Variants in CYSLTR2 observed in about 807,000 individuals in gnomAD.
The protein encoded by CYSLTR2 is cysteinyl leukotriene receptor 2, also known as G-protein coupled receptor GPCR21.
For synonymous variants in CYSLTR2, 179 were observed against 160.8 expected (o/e 1.11, Z -0.86); for missense variants, 398 against 411.9 (o/e 0.97, Z 0.29).
chr13:48,671,212 T>C (rs1462255317), intron 1 of CYSLTR2, among the ~76,000 whole-genome samples: 2 of 152,230 alleles, frequency 1.3e-5, no homozygotes, highest in Admixed American at 6.5e-5. Flanking sequence ...TACAATCATG[T>C]CATCTGCGAA....
At chr13:48,706,342 T>C (rs1044255387) in intron 4 of CYSLTR2, among the ~76,000 whole-genome samples, 6 of 152,246 alleles carry the variant, frequency 3.9e-5, no homozygotes, top group Non-Finnish European at 7.3e-5. Flanking sequence ...GTCTTAGTTT[T>C]CCGTCTGAAA....
At chr13:48,696,287 T>G (rs1954184966) in intron 3 of CYSLTR2, among the ~76,000 whole-genome samples, 2 of 152,234 alleles carry the variant, frequency 1.3e-5, no homozygotes, top group African/African-American at 4.8e-5. Context: ...GTTCTTTATA[T>G]ATTCTAAATA....
chr13:48,657,452 G>A (rs1953025650), intron 1 of CYSLTR2, among the ~76,000 whole-genome samples: 1 of 151,806 alleles, frequency 6.6e-6, no homozygotes, highest in Non-Finnish European at 1.5e-5. Context: ...AAAAGTACAG[G>A]AAGCAGACTA....
At chr13:48,673,654 A>T (rs1305422984) in intron 1 of CYSLTR2, among the ~76,000 whole-genome samples, 9 of 151,874 alleles carry the variant, frequency 5.9e-5, no homozygotes, top group African/African-American at 2.2e-4. Context: ...TGTGAATTTG[A>T]TCCTGTTATT....
At chr13:48,683,832 G>A (rs906896454) in intron 1 of CYSLTR2, among the ~76,000 whole-genome samples, 63 of 152,226 alleles carry the variant, frequency 4.1e-4, no homozygotes, top group Non-Finnish European at 1.8e-4. Flanking sequence ...TTTTAACCCA[G>A]AATTCTGTTT....
At chr13:48,695,323 C>G (rs1283459009) in intron 3 of CYSLTR2, among the ~76,000 whole-genome samples, 1 of 130,466 alleles carries the variant, frequency 7.7e-6, no homozygotes, top group Non-Finnish European at 1.7e-5. Flanking sequence ...CTCTCTTTTT[C>G]TTTTCTTTCT....
At position 48,709,829 on chromosome 13, in the gene CYSLTR2, T is replaced by C. The variant is rs1954594472; in HGVS notation, c.*1971T>C. On this transcript the variant is annotated 3_prime_UTR_variant, in exon 5 of 5. Transcript: ENST00000682523. ...GAGAAAGTGAAGAGAATTCCCAGGATGTTGGTGTGTAGCAGGCTTAGAAAG... is the reference window on the plus strand; with the variant it reads ...GAGAAAGTGAAGAGAATTCCCAGGACGTTGGTGTGTAGCAGGCTTAGAAAG... 6.6e-6 allele frequency: 1 copy of C among 152,070 alleles called. No individual in the cohort carries two copies. Among genetic ancestry groups the C allele is most frequent in the South Asian group, 2.1e-4 (1 of 4,818 alleles). 9.4% of individuals were successfully genotyped at this position (152,070 alleles called of 1,614,324 possible).
At chr13:48,665,948 A>G (rs953963619) in intron 1 of CYSLTR2, among the ~76,000 whole-genome samples, 2 of 151,964 alleles carry the variant, frequency 1.3e-5, no homozygotes, top group Non-Finnish European at 2.9e-5. Flanking sequence ...TGTGGTGATA[A>G]GGCTTGATTC....
At chr13:48,692,627 C>A (rs1954066700) in intron 2 of CYSLTR2, among the ~76,000 whole-genome samples, 1 of 151,196 alleles carries the variant, frequency 6.6e-6, no homozygotes, top group South Asian at 2.1e-4. Flanking sequence ...AGGAAATCAA[C>A]AGGATATTTA....
At chr13:48,701,503 A>G (rs911789114) in intron 4 of CYSLTR2, among the ~76,000 whole-genome samples, 1 of 152,236 alleles carries the variant, frequency 6.6e-6, no homozygotes, top group African/African-American at 2.4e-5. Flanking sequence ...CAAAGACTTA[A>G]ATGTAAAACC....
At chr13:48,654,418 T>C (rs1952953837) in intron 1 of CYSLTR2, among the ~76,000 whole-genome samples, 1 of 152,140 alleles carries the variant, frequency 6.6e-6, no homozygotes, top group Non-Finnish European at 1.5e-5. Flanking sequence ...GGTTTTTCCA[T>C]GTTGCTGTGA....
intron 1 of CYSLTR2, among the ~76,000 whole-genome samples, chr13:48,670,455 T>A (rs764056200): frequency 6.6e-6 from 1 of 152,228 alleles, no homozygotes; most frequent in Non-Finnish European, 1.5e-5. Flanking sequence ...AATTTTTGTA[T>A]AAGGTGTAAG....
At chr13:48,659,224 C>T (rs951493923) in intron 1 of CYSLTR2, among the ~76,000 whole-genome samples, 9 of 152,192 alleles carry the variant, frequency 5.9e-5, no homozygotes, top group Admixed American at 2.0e-4. Context: ...CCCCATGCCA[C>T]TGGCAGCAGG....
At chr13:48,690,696 G>A (rs1954016529) in intron 1 of CYSLTR2, among the ~76,000 whole-genome samples, 1 of 152,162 alleles carries the variant, frequency 6.6e-6, no homozygotes, top group African/African-American at 2.4e-5. Context: ...GTTCATCAGG[G>A]AAATTGGCCT....
intron 1 of CYSLTR2, among the ~76,000 whole-genome samples, chr13:48,676,996 A>G (rs1953614085): frequency 6.6e-6 from 1 of 152,208 alleles, no homozygotes. Context: ...TTGAGGAAAT[A>G]TAGGCAGAGG....
Position 48,693,497 on chromosome 13 carries a change from G to A in CYSLTR2, c.-116G>A, listed in dbSNP as rs1258835854. 6.6e-6 allele frequency: 1 copy of A among 151,752 alleles called. No individual in the cohort carries two copies. Among genetic ancestry groups the A allele is most frequent in the Non-Finnish European group, 1.5e-5 (1 of 67,966 alleles). The allele number at this position is 151,752 out of a possible 1,614,324, so 9.4% of individuals were successfully genotyped here. A position where few individuals can be genotyped will look rare whatever the true frequency, so the allele number is the denominator to read the frequency against. ...TGAATGTGCACACAAAAAGTGAATG[G>A]GTCATTTGATAAGGTAACGATTAAT... On this transcript the variant is annotated 5_prime_UTR_variant, in exon 3 of 5. Transcript: ENST00000682523.
chr13:48,710,654 T>C lies in CYSLTR2; in HGVS notation c.*2796T>C, dbSNP rs1954611256. On this transcript the variant is annotated 3_prime_UTR_variant, in exon 5 of 5. Coordinates refer to ENST00000682523, the MANE Select transcript of CYSLTR2 (RefSeq NM_001308476.3). ...AATTGTGAAGAAGGCAAAAGAAATT[T>C]GTGCTAGTTTTGCTGTTGCACCACA... 1 of 152,224 alleles carries C rather than the reference T, an allele frequency of 6.6e-6. No homozygotes were observed. Among genetic ancestry groups the C allele is most frequent in the Admixed American group, 6.5e-5 (1 of 15,284 alleles). 9.4% of individuals were successfully genotyped at this position (152,224 alleles called of 1,614,324 possible). A position where few individuals can be genotyped will look rare whatever the true frequency, so the allele number is the denominator to read the frequency against.
At chr13:48,669,998 T>C (rs978819363) in intron 1 of CYSLTR2, among the ~76,000 whole-genome samples, 4 of 152,244 alleles carry the variant, frequency 2.6e-5, no homozygotes, top group Non-Finnish European at 5.9e-5. Context: ...TATCTCATTG[T>C]GGTTTTGATT....
chr13:48,662,492 T>C (rs1308625742), intron 1 of CYSLTR2, among the ~76,000 whole-genome samples: 1 of 152,196 alleles, frequency 6.6e-6, no homozygotes, highest in Admixed American at 6.5e-5. Context: ...TGAGTTCCCT[T>C]TACTCCACAT....
Sources: allele counts gnomAD v4.1 joint callset (sites outside exome capture counted in the v4.1 genomes callset), GRCh38; gene constraint gnomAD v4.1.1; transcripts MANE v1.5; gene names NCBI Gene and HGNC (gene_info 2026-07-23, HGNC 2026-07-21).